The following PRCP variants were observed in gnomAD, a reference collection of about 807,000 sequenced individuals.
PRCP encodes lysosomal Pro-X carboxypeptidase.
Under a neutral mutation model 54.2 loss-of-function variants are expected in PRCP, and 46 were observed. That is an observed-to-expected ratio of 0.85 (90% CI 0.67 to 1.09). The LOEUF is 1.09. PRCP is among the 50% of genes least tolerant of loss of function. The pLI is 0.00. For missense variants in PRCP, 613 were observed against 596.8 expected (o/e 1.03, Z -0.28); for synonymous variants, 240 against 212.2 (o/e 1.13, Z -1.14).
rs117959997 is a variant in PRCP, at chr11:82,843,758, G to A, written c.922-4333C>T. The stretch of plus-strand genomic sequence containing the variant: ...GACTGAGGTTGCTAGTACAACTACT[G>A]AATATTCTTTGATGGCAGGGCAGGT... On this transcript the variant is annotated intron_variant, in intron 6 of 8. Coordinates refer to ENST00000313010, the MANE Select transcript of PRCP (RefSeq NM_005040.4). Among the ~76,000 whole-genome samples the A allele has an allele frequency of 3.2e-3, 488 of 152,278 alleles. 1 individual carries two copies. The highest frequency in any genetic ancestry group is 5.3e-3 in the Non-Finnish European group (360 of 68,028).
At chr11:82,898,183 T>G (rs1052703491) in intron 1 of PRCP, among the ~76,000 whole-genome samples, 8 of 152,196 alleles carry the variant, frequency 5.3e-5, no homozygotes, top group Non-Finnish European at 8.8e-5. Flanking sequence ...AGAAAAATTA[T>G]TATTATGGTA....
intron 2 of PRCP, among the ~76,000 whole-genome samples, chr11:82,857,364 G>GAGGC (rs1859115915): frequency 6.6e-6 from 1 of 152,168 alleles, no homozygotes; most frequent in Non-Finnish European, 1.5e-5. Context: ...CAAGAACATT[G>GAGGC]AGGCACAAGA....
chr11:82,824,785 A>G lies in PRCP; in HGVS notation c.*121T>C. On this transcript the variant is annotated 3_prime_UTR_variant, in exon 9 of 9. Coordinates refer to ENST00000313010, the MANE Select transcript of PRCP (RefSeq NM_005040.4). The stretch of plus-strand genomic sequence containing the variant: ...CGTCATCACCCTCTATTCTATCTCA[A>G]CTTTGGCCCCATCAAATCTAATGAT... 1 of 1,004,936 alleles carries G rather than the reference A, an allele frequency of 1.0e-6. No homozygotes were observed. Among genetic ancestry groups the G allele is most frequent in the South Asian group, 1.6e-5 (1 of 62,638 alleles). 62.3% of individuals were successfully genotyped at this position (1,004,936 alleles called of 1,614,324 possible).
At position 82,875,886 on chromosome 11, in the gene PRCP, C is replaced by T. The variant is rs543825014; in HGVS notation, c.169-15769G>A. 9.2e-5 allele frequency among the ~76,000 whole-genome samples: 14 copies of T among 152,278 alleles called. No individual in the cohort carries two copies. In the South Asian group the frequency reaches 2.9e-3, roughly 32 times the overall value. ...GCCTCGTCTTCTACCACATGGCCCT[C>T]TCCCACTTCATATTCCAGAAATGCT... is the stretch of plus-strand genomic sequence containing the variant. On this transcript the variant is annotated intron_variant, in intron 1 of 8. Transcript: ENST00000313010.
At chr11:82,897,100 ACT>A (rs535833313) in intron 1 of PRCP, among the ~76,000 whole-genome samples, 308 of 152,260 alleles carry the variant, frequency 2.0e-3, no homozygotes, top group African/African-American at 7.1e-3. Context: ...CCTTTATGAC[ACT>A]GATACCACAC....
intron 8 of PRCP, among the ~76,000 whole-genome samples, chr11:82,833,702 G>C (rs1462869435): frequency 3.9e-5 from 6 of 152,134 alleles, no homozygotes; most frequent in Non-Finnish European, 8.8e-5. Flanking sequence ...TCTGGGCCAA[G>C]TACTTTGATG....
Position 82,849,898 on chromosome 11 carries a change from C to T in PRCP, c.751+16G>A. Reference sequence around the variant, plus strand: ...TTAAAAAAACACACAATTCCATTCTCTTAATTAAAGCTTACCAGTATTTGA... The same window carrying T: ...TTAAAAAAACACACAATTCCATTCTTTTAATTAAAGCTTACCAGTATTTGA... On this transcript the variant is annotated intron_variant, in intron 5 of 8. Transcript: ENST00000313010. 2 of 1,426,564 alleles carry T rather than the reference C, an allele frequency of 1.4e-6. No individual in the cohort carries two copies. Among genetic ancestry groups the T allele is most frequent in the Non-Finnish European group, 1.8e-6 (2 of 1,083,076 alleles). The allele number at this position is 1,426,564 out of a possible 1,614,324, so 88.4% of individuals were successfully genotyped here.
chr11:82,892,395 G>C (rs554136780), intron 1 of PRCP, among the ~76,000 whole-genome samples: 4 of 151,982 alleles, frequency 2.6e-5, no homozygotes, highest in Admixed American at 2.6e-4. Flanking sequence ...ACAATACCTA[G>C]GGTTTTTAAA....
intron 1 of PRCP, among the ~76,000 whole-genome samples, chr11:82,879,242 T>G (rs1052937629): frequency 2.0e-5 from 3 of 152,232 alleles, no homozygotes; most frequent in Non-Finnish European, 4.4e-5. Flanking sequence ...CTTTTTACTC[T>G]TTTTTCTCTA....
chr11:82,874,690 C>CAAAAAAAAAA (rs36084037), intron 1 of PRCP, among the ~76,000 whole-genome samples: 7 of 68,726 alleles, frequency 1.0e-4, no homozygotes, highest in East Asian at 5.1e-4. Flanking sequence ...GACCCTGTCT[C>CAAAAAAAAAA]AAAAAAAAAA....
At chr11:82,880,247 C>T (rs1859712166) in intron 1 of PRCP, among the ~76,000 whole-genome samples, 1 of 152,240 alleles carries the variant, frequency 6.6e-6, no homozygotes, top group Admixed American at 6.5e-5. Context: ...ATGGCAGATG[C>T]CCCTCCCCCA....
At chr11:82,880,852 AC>A (rs1465417968) in intron 1 of PRCP, among the ~76,000 whole-genome samples, 2 of 143,304 alleles carry the variant, frequency 1.4e-5, no homozygotes, top group Admixed American at 7.0e-5. Context: ...AAAAAAAAAA[AC>A]CCTCTGCAAG....
intron 8 of PRCP, chr11:82,828,248 C>T (rs1029675936): frequency 6.6e-6 from 1 of 152,196 alleles, no homozygotes; most frequent in Admixed American, 6.5e-5. Flanking sequence ...TAATTTTACA[C>T]TATGTTGCAT....
chr11:82,842,746 TAGAA>T (rs971481081), intron 6 of PRCP, among the ~76,000 whole-genome samples: 1 of 152,172 alleles, frequency 6.6e-6, no homozygotes, highest in African/African-American at 2.4e-5. Flanking sequence ...CTATGCTAGA[TAGAA>T]AGCCTGAAAA....
intron 2 of PRCP, among the ~76,000 whole-genome samples, chr11:82,858,123 T>C (rs1859132503): frequency 6.6e-6 from 1 of 152,240 alleles, no homozygotes; most frequent in South Asian, 2.1e-4. Context: ...AGGAGTATTC[T>C]TATTTTTCAA....
intron 6 of PRCP, among the ~76,000 whole-genome samples, chr11:82,843,906 ATGAT>A (rs1858736474): frequency 6.6e-6 from 1 of 151,056 alleles, no homozygotes; most frequent in Non-Finnish European, 1.5e-5. Context: ...CAAGAAGCGT[ATGAT>A]TGGGTTTTCA....
intron 8 of PRCP, among the ~76,000 whole-genome samples, chr11:82,832,311 C>A (rs369520597): frequency 6.6e-6 from 1 of 152,148 alleles, no homozygotes; most frequent in Non-Finnish European, 1.5e-5. Context: ...CTAATTTACA[C>A]TCCCACCAAC....
chr11:82,884,856 A>T (rs761978924), intron 1 of PRCP: 3 of 1,613,588 alleles, frequency 1.9e-6, no homozygotes, highest in Non-Finnish European at 2.5e-6. Context: ...GTTGGATAAT[A>T]CATATGTGCA....
At chr11:82,898,730 A>C (rs759081300) in intron 1 of PRCP, among the ~76,000 whole-genome samples, 4 of 152,258 alleles carry the variant, frequency 2.6e-5, no homozygotes, top group Admixed American at 6.5e-5. Context: ...TGAGGGAATT[A>C]TGCCCTAGAG....
Sources: allele counts gnomAD v4.1 joint callset (sites outside exome capture counted in the v4.1 genomes callset), GRCh38; gene constraint gnomAD v4.1.1; transcripts MANE v1.5; gene names NCBI Gene and HGNC (gene_info 2026-07-23, HGNC 2026-07-21).